RPRD2: variants seen among roughly 807,000 people sequenced by gnomAD.
The protein encoded by RPRD2 is regulation of nuclear pre-mRNA domain-containing protein 2.
In RPRD2, 12 loss-of-function variants were observed where a neutral mutation model predicts 104.4. The ratio of observed to expected loss-of-function variants is 0.11; its 90% CI spans 0.07 to 0.19. The LOEUF (loss-of-function observed/expected upper bound fraction) is 0.19, where lower values mean the gene tolerates loss of function less well. Among genes scored for constraint, RPRD2 ranks in the 10% least tolerant of loss-of-function variants. The probability of loss-of-function intolerance (pLI) is 1.00; values close to 1 mark genes in which losing one functional copy is unlikely to be tolerated. For missense variants in RPRD2, 1,543 were observed against 1,790.1 expected, an observed-to-expected ratio of 0.86 and a Z score of 2.49; for synonymous variants, 714 against 684.9, an observed-to-expected ratio of 1.04 and a Z score of -0.66.
rs1408225178 is a variant in RPRD2 at position 150,472,136 on chromosome 1, T to C, written c.3188T>C (p.Ile1063Thr). Reference sequence around the variant, plus strand: ...CAGCAACAAGAAGAGCACTACCGCATAGAAACCCGCGTCTCCTCCTCCTGC... The same window carrying C: ...CAGCAACAAGAAGAGCACTACCGCACAGAAACCCGCGTCTCCTCCTCCTGC... ...DQQQQEEHYR[I>T]ETRVSSSCLD... Residue 1063 changes from isoleucine (I) to threonine (T), a missense_variant, in exon 11 of 11, where the codon ATA becomes ACA. By Grantham distance (89) the Ile-to-Thr change is moderately conservative (BLOSUM62 -1). This residue lies in a region of RPRD2 where 880 missense variants were observed against 885.6 expected (regional missense o/e 0.99). Transcript: ENST00000369068. The C allele has an allele frequency of 1.2e-6, 2 of 1,613,760 alleles. No individual in the cohort carries two copies. Among genetic ancestry groups the C allele is most frequent in the Non-Finnish European group, 1.7e-6 (2 of 1,179,878 alleles).
intron 1 of RPRD2, among the ~76,000 whole-genome samples, chr1:150,398,763 G>A (rs1177731996): frequency 1.3e-5 from 2 of 151,604 alleles, no homozygotes; most frequent in South Asian, 2.1e-4. Flanking sequence ...GGCTGGTCTC[G>A]AACTCCTGAC....
intron 1 of RPRD2, among the ~76,000 whole-genome samples, chr1:150,382,066 A>C (rs1263091414): frequency 3.3e-5 from 5 of 152,200 alleles, no homozygotes; most frequent in Admixed American, 3.3e-4. Context: ...ATAACTTGTC[A>C]TTTAAAATGC....
intron 2 of RPRD2, among the ~76,000 whole-genome samples, chr1:150,433,947 AT>A (rs1665826130): frequency 6.6e-6 from 1 of 150,608 alleles, no homozygotes; most frequent in African/African-American, 2.4e-5. Flanking sequence ...ACACAGAGGC[AT>A]ATAATTTGTT....
intron 2 of RPRD2, among the ~76,000 whole-genome samples, chr1:150,418,807 G>A (rs587764009): frequency 5.3e-5 from 8 of 152,220 alleles, no homozygotes; most frequent in South Asian, 4.2e-4. Context: ...GAGGTCAGGA[G>A]ATCAAGACCA....
chr1:150,463,628 CTG>C (rs1668081592), intron 9 of RPRD2, among the ~76,000 whole-genome samples: 1 of 151,516 alleles, frequency 6.6e-6, no homozygotes, highest in African/African-American at 2.4e-5. Context: ...ATTTTATTTC[CTG>C]TGTTAAAGAT....
At chr1:150,443,376 C>A in intron 5 of RPRD2, 93 bp downstream of exon 5, 1 of 892,206 alleles carries the variant, frequency 1.1e-6, no homozygotes, top group Non-Finnish European at 1.7e-6. Flanking sequence ...TATCTGTATT[C>A]AATTACACAT....
intron 9 of RPRD2, among the ~76,000 whole-genome samples, chr1:150,462,799 C>T (rs1427687207): frequency 6.6e-6 from 1 of 152,164 alleles, no homozygotes; most frequent in Non-Finnish European, 1.5e-5. Flanking sequence ...TCGTGATCTG[C>T]TCGCGTTGGC....
intron 6 of RPRD2, among the ~76,000 whole-genome samples, chr1:150,444,731 T>C (rs1225203460): frequency 6.6e-6 from 1 of 152,252 alleles, no homozygotes; most frequent in African/African-American, 2.4e-5. Flanking sequence ...TAATTTATTA[T>C]AATGTAAGCC....
At chr1:150,434,457 A>C (rs1157951569) in intron 2 of RPRD2, among the ~76,000 whole-genome samples, 1 of 152,230 alleles carries the variant, frequency 6.6e-6, no homozygotes, top group Non-Finnish European at 1.5e-5. Context: ...AACTCTTATG[A>C]ATAAAGTTTA....
At chr1:150,437,350 G>A (rs782326757) in intron 2 of RPRD2, among the ~76,000 whole-genome samples, 1 of 152,088 alleles carries the variant, frequency 6.6e-6, no homozygotes, top group East Asian at 1.9e-4. Context: ...ACAAATATTA[G>A]CTGGGTGTGG....
intron 2 of RPRD2, among the ~76,000 whole-genome samples, chr1:150,440,658 A>G (rs1309642017): frequency 6.6e-6 from 1 of 152,192 alleles, no homozygotes; most frequent in Non-Finnish European, 1.5e-5. Context: ...TCAAGTTCAT[A>G]TCCATCAAAG....
At chr1:150,398,520 C>T (rs782024444) in intron 1 of RPRD2, among the ~76,000 whole-genome samples, 1 of 147,592 alleles carries the variant, frequency 6.8e-6, no homozygotes, top group Non-Finnish European at 1.5e-5. Flanking sequence ...TTATTTCCTT[C>T]CTTCTTTCCT....
rs1290453456 is a variant in RPRD2 at position 150,473,406 on chromosome 1, GTTT to G, written c.*75_*77del. On this transcript the variant is annotated 3_prime_UTR_variant, in exon 11 of 11. Transcript: ENST00000369068. ...AGTAGGAGTTTGGTTTATTGTTGTT[GTTT>G]TTATTTGTTTTCTCTTTCTCGATTT... is the stretch of plus-strand genomic sequence containing the variant. The G allele has an allele frequency of 1.0e-5, 14 of 1,394,104 alleles. No individual in the cohort carries two copies. Among genetic ancestry groups the G allele is most frequent in the African/African-American group, 1.4e-5 (1 of 69,278 alleles). 86.4% of individuals were successfully genotyped at this position (1,394,104 alleles called of 1,614,324 possible). A position where few individuals can be genotyped will look rare whatever the true frequency, so the allele number is the denominator to read the frequency against.
chr1:150,427,615 A>G (rs1553890803), intron 2 of RPRD2, among the ~76,000 whole-genome samples: 1 of 152,180 alleles, frequency 6.6e-6, no homozygotes, highest in Non-Finnish European at 1.5e-5. Context: ...CCTAAGCAAC[A>G]TGGCAAGACC....
At chr1:150,460,370 GAATC>G in intron 9 of RPRD2, 53 bp downstream of exon 9, 1 of 1,504,040 alleles carries the variant, frequency 6.6e-7, no homozygotes, top group South Asian at 1.2e-5. Flanking sequence ...TTTTTAAATT[GAATC>G]ATTAATCTGT....
chr1:150,463,735 A>G (rs1464463797), intron 9 of RPRD2, among the ~76,000 whole-genome samples: 2 of 152,238 alleles, frequency 1.3e-5, no homozygotes, highest in African/African-American at 2.4e-5. Context: ...TACCAGTCAC[A>G]TGAAATTATG....
chr1:150,424,928 T>C (rs1172938945), intron 2 of RPRD2, among the ~76,000 whole-genome samples: 3 of 152,190 alleles, frequency 2.0e-5, no homozygotes, highest in African/African-American at 7.2e-5. Context: ...ATTAATATTA[T>C]AGCCTGCTAA....
intron 2 of RPRD2, among the ~76,000 whole-genome samples, chr1:150,439,084 C>T (rs1466002712): frequency 6.6e-6 from 1 of 152,116 alleles, no homozygotes; most frequent in Admixed American, 6.6e-5. Flanking sequence ...CCGCCTCCCT[C>T]GGCCTCCCAA....
intron 1 of RPRD2, among the ~76,000 whole-genome samples, chr1:150,385,797 C>A (rs1661519235): frequency 6.6e-6 from 1 of 152,176 alleles, no homozygotes; most frequent in African/African-American, 2.4e-5. Context: ...TAATTTTTCT[C>A]TTGGCCAACT....
Sources: allele counts gnomAD v4.1 joint callset (sites outside exome capture counted in the v4.1 genomes callset), GRCh38; gene constraint gnomAD v4.1.1; regional missense constraint gnomAD v4.1.1; transcripts MANE v1.5; gene names NCBI Gene and HGNC (gene_info 2026-07-23, HGNC 2026-07-21).